Variants in ITSN1 observed in about 807,000 individuals in gnomAD.
The protein encoded by ITSN1 is intersectin-1.
In ITSN1, 58 loss-of-function variants were observed where a neutral mutation model predicts 239.8. The observed-to-expected ratio is 0.24, with a 90% CI of 0.20 to 0.30. ITSN1 has a LOEUF of 0.30. Ranked by LOEUF, ITSN1 falls within the 10% of genes least tolerant of loss-of-function variation. ITSN1 has a pLI of 1.00. For missense variants in ITSN1, 1,558 were observed against 2,103.3 expected (o/e 0.74, Z 5.07); for synonymous variants, 780 against 770.8 (o/e 1.01, Z -0.20).
chr21:33,834,801 C>A (rs1395767046), intron 28 of ITSN1, among the ~76,000 whole-genome samples: 2 of 150,654 alleles, frequency 1.3e-5, no homozygotes, highest in Non-Finnish European at 2.9e-5. Context: ...CTCAGTAGGT[C>A]ATGAGATGGA....
intron 29 of ITSN1, among the ~76,000 whole-genome samples, chr21:33,851,830 C>T (rs62228978): frequency 0.021 from 2,418 of 116,706 alleles, 28 homozygotes; most frequent in African/African-American, 0.023. Context: ...GTTGCCCAGG[C>T]TGGAGTGCAG....
intron 27 of ITSN1, among the ~76,000 whole-genome samples, chr21:33,830,475 A>G (rs2074230029): frequency 6.6e-6 from 1 of 152,142 alleles, no homozygotes; most frequent in Admixed American, 6.5e-5. Flanking sequence ...GATCAGAATG[A>G]TGAGCAGTGG....
At chr21:33,695,617 CCAA>C (rs2091758697) in intron 1 of ITSN1, among the ~76,000 whole-genome samples, 6 of 152,266 alleles carry the variant, frequency 3.9e-5, no homozygotes, top group Non-Finnish European at 7.3e-5. Context: ...AGATTATAAA[CCAA>C]ACACATTTTG....
intron 5 of ITSN1, among the ~76,000 whole-genome samples, chr21:33,736,014 TAAA>T (rs892248399): frequency 1.3e-5 from 2 of 152,160 alleles, no homozygotes; most frequent in African/African-American, 4.8e-5. Context: ...CGTGATTCCA[TAAA>T]AAATTATCTT....
chr21:33,735,923 G>A (rs1402767509), intron 5 of ITSN1, among the ~76,000 whole-genome samples: 2 of 152,160 alleles, frequency 1.3e-5, no homozygotes, highest in East Asian at 1.9e-4. Flanking sequence ...GAGAACCTGG[G>A]AGGCAGTGGC....
chr21:33,833,032 G>A (rs2074386499), intron 27 of ITSN1, among the ~76,000 whole-genome samples: 1 of 151,986 alleles, frequency 6.6e-6, no homozygotes, highest in Admixed American at 6.5e-5. Context: ...GTACGCATGT[G>A]TGTGTATGCA....
intron 1 of ITSN1, among the ~76,000 whole-genome samples, chr21:33,655,057 T>G (rs2088922173): frequency 2.0e-5 from 3 of 152,218 alleles, no homozygotes; most frequent in Non-Finnish European, 4.4e-5. Context: ...GTGAATTTGT[T>G]ATTATTTTCT....
intron 1 of ITSN1, among the ~76,000 whole-genome samples, chr21:33,714,065 C>A (rs1029326534): frequency 1.3e-5 from 2 of 151,940 alleles, no homozygotes; most frequent in Non-Finnish European, 2.9e-5. Context: ...CTCTTGACCT[C>A]GTGATCCACC....
chr21:33,671,553 G>A (rs910669294), intron 1 of ITSN1, among the ~76,000 whole-genome samples: 4 of 152,008 alleles, frequency 2.6e-5, no homozygotes, highest in African/African-American at 9.7e-5. Context: ...CGCTGTGCCC[G>A]GCCTGTTTTG....
In ITSN1 at chr21:33,870,249, A is replaced by T. The variant is rs146692460; in HGVS notation, c.4173+2918A>T. ...ACAGTTACTATTTAATTAGCTCAGT[A>T]CTTCTCTTTTTTCTCCCAATGTTTA... On this transcript the variant is annotated intron_variant, in intron 33 of 39. Coordinates refer to ENST00000381318, the MANE Select transcript of ITSN1 (RefSeq NM_003024.3). Among the ~76,000 whole-genome samples the T allele has an allele frequency of 2.0e-3, 312 of 152,304 alleles. 1 individual carries two copies. The highest frequency in any genetic ancestry group is 7.3e-3 in the African/African-American group (305 of 41,550).
chr21:33,695,910 A>G (rs1470573173), intron 1 of ITSN1, among the ~76,000 whole-genome samples: 1 of 152,194 alleles, frequency 6.6e-6, no homozygotes, highest in Non-Finnish European at 1.5e-5. Context: ...GTGCACCTCA[A>G]TCAAGTGAAG....
intron 1 of ITSN1, among the ~76,000 whole-genome samples, chr21:33,713,892 T>G (rs2092490470): frequency 7.6e-6 from 1 of 131,198 alleles, no homozygotes; most frequent in Non-Finnish European, 1.5e-5. Flanking sequence ...TGGAGTGCAG[T>G]GGCGCTATCT....
intron 1 of ITSN1, among the ~76,000 whole-genome samples, chr21:33,688,801 C>T (rs936293716): frequency 6.8e-6 from 1 of 147,242 alleles, no homozygotes; most frequent in Non-Finnish European, 1.5e-5. Context: ...TTCACTAGTC[C>T]TTTTTTTTTT....
At chr21:33,775,236 T>G in intron 14 of ITSN1, 128 bp downstream of exon 14, 1 of 919,572 alleles carries the variant, frequency 1.1e-6, no homozygotes, top group Non-Finnish European at 1.6e-6. Context: ...GAAGCAAAAA[T>G]GAAGTAGACA....
At chr21:33,844,385 C>T (rs1033534342) in intron 29 of ITSN1, among the ~76,000 whole-genome samples, 4 of 152,176 alleles carry the variant, frequency 2.6e-5, no homozygotes, top group African/African-American at 4.8e-5. Flanking sequence ...GCCCATGCAG[C>T]GCTCCACAAT....
At chr21:33,793,840 T>C (rs1224917033) in intron 16 of ITSN1, among the ~76,000 whole-genome samples, 2 of 152,170 alleles carry the variant, frequency 1.3e-5, no homozygotes, top group Non-Finnish European at 2.9e-5. Flanking sequence ...GTCAAAGAAT[T>C]GAGGAGCAAA....
At chr21:33,881,143 C>T (rs757258107) in intron 34 of ITSN1, among the ~76,000 whole-genome samples, 2 of 152,182 alleles carry the variant, frequency 1.3e-5, no homozygotes, top group South Asian at 2.1e-4. Flanking sequence ...TATGGTGGCT[C>T]ACGCCGGTAA....
At chr21:33,655,376 G>C (rs1344048537) in intron 1 of ITSN1, among the ~76,000 whole-genome samples, 1 of 151,724 alleles carries the variant, frequency 6.6e-6, no homozygotes, top group East Asian at 1.9e-4. Flanking sequence ...CATCTGTATA[G>C]GGGGTGAGTC....
intron 34 of ITSN1, among the ~76,000 whole-genome samples, chr21:33,880,317 G>A (rs1172552800): frequency 6.6e-6 from 1 of 152,194 alleles, no homozygotes. Flanking sequence ...ATGAATGAAC[G>A]AGAGCACCTT....
Sources: gnomAD v4.1 joint callset for allele counts (sites outside exome capture counted in the v4.1 genomes callset) on GRCh38, gnomAD v4.1.1 for gene constraint, MANE v1.5 for transcripts, NCBI Gene and HGNC (gene_info 2026-07-23, HGNC 2026-07-21) for gene names.